Variants in RDX observed in about 807,000 individuals in gnomAD.
RDX encodes the protein deafness, autosomal recessive 24.
A neutral mutation model predicts 83.7 loss-of-function variants in RDX; 32 were observed. The ratio of observed to expected loss-of-function variants is 0.38; its 90% CI spans 0.29 to 0.51. RDX has a LOEUF of 0.51. Ranked by LOEUF, RDX falls within the 20% of genes least tolerant of loss-of-function variation. The pLI is 0.87. For synonymous variants in RDX, 229 were observed against 222.7 expected (o/e 1.03, Z -0.25); for missense variants, 600 against 689.9 (o/e 0.87, Z 1.46).
chr11:110,248,602 T>C (rs576020689), intron 9 of RDX, among the ~76,000 whole-genome samples: 35 of 152,172 alleles, frequency 2.3e-4, no homozygotes, highest in Non-Finnish European at 4.0e-4. Flanking sequence ...CACACTTTAA[T>C]GGGGGAAAAA....
At chr11:110,272,249 G>A (rs189353491) in intron 3 of RDX, among the ~76,000 whole-genome samples, 22 of 152,254 alleles carry the variant, frequency 1.4e-4, no homozygotes, top group Non-Finnish European at 2.8e-4. Context: ...CAACTTTGTG[G>A]ATTATCCTTG....
At chr11:110,290,060 C>T (rs1861172056) in intron 1 of RDX, among the ~76,000 whole-genome samples, 1 of 148,288 alleles carries the variant, frequency 6.7e-6, no homozygotes, top group Non-Finnish European at 1.5e-5. Context: ...AACAAAAATA[C>T]CCACTCTGGT....
intron 12 of RDX, among the ~76,000 whole-genome samples, chr11:110,234,704 C>T (rs1189210899): frequency 2.0e-5 from 3 of 152,068 alleles, no homozygotes; most frequent in South Asian, 4.1e-4. Context: ...TTCTAATAAA[C>T]AAGTAGAGTA....
intron 1 of RDX, among the ~76,000 whole-genome samples, chr11:110,280,069 G>T (rs1040824691): frequency 6.6e-6 from 1 of 152,176 alleles, no homozygotes; most frequent in Non-Finnish European, 1.5e-5. Context: ...TGCTCTCTGA[G>T]TCAGGTTCAT....
At chr11:110,194,427 C>T (rs1591502433) in intron 15 of RDX, among the ~76,000 whole-genome samples, 1 of 152,268 alleles carries the variant, frequency 6.6e-6, no homozygotes, top group East Asian at 1.9e-4. Context: ...GCCATGTTGG[C>T]CAGGCTGGTC....
chr11:110,208,180 TA>T (rs921569458), intron 14 of RDX, among the ~76,000 whole-genome samples: 10 of 152,190 alleles, frequency 6.6e-5, no homozygotes, highest in African/African-American at 2.4e-4. Flanking sequence ...TGAAAAATGT[TA>T]CTAACGCTTT....
intron 14 of RDX, among the ~76,000 whole-genome samples, chr11:110,212,012 C>CA (rs1197349182): frequency 1.4e-5 from 2 of 140,450 alleles, no homozygotes; most frequent in South Asian, 2.5e-4. Context: ...AATAGAGACA[C>CA]AAAAAACCCT....
At chr11:110,200,552 G>A (rs921342569) in intron 14 of RDX, among the ~76,000 whole-genome samples, 6 of 152,146 alleles carry the variant, frequency 3.9e-5, no homozygotes, top group Non-Finnish European at 7.3e-5. Flanking sequence ...TCTATCTTAC[G>A]AATGAGTTAT....
chr11:110,279,676 C>A lies in RDX; in HGVS notation c.12+5G>T. On this transcript the variant is annotated splice_donor_5th_base_variant and intron_variant, in intron 2 of 13. Coordinates refer to ENST00000645495, the MANE Select transcript of RDX (RefSeq NM_002906.4). ...ACACTGTCAAATGTAATAAAATACACTTACTGGTTTCGGCATTTTCTTTCT... is the reference window on the plus strand; with the variant it reads ...ACACTGTCAAATGTAATAAAATACAATTACTGGTTTCGGCATTTTCTTTCT... 1 of 1,525,608 alleles carries A rather than the reference C, an allele frequency of 6.6e-7. No homozygotes were observed. The highest frequency in any genetic ancestry group is 9.1e-7 in the Non-Finnish European group (1 of 1,101,408). 94.5% of individuals were successfully genotyped at this position (1,525,608 alleles called of 1,614,324 possible).
chr11:110,229,877 T>C lies in RDX; in HGVS notation c.*1992A>G, dbSNP rs1864557618. The C allele has an allele frequency of 6.6e-6, 1 of 152,500 alleles. No individual in the cohort carries two copies. The highest frequency in any genetic ancestry group is 1.5e-5 in the Non-Finnish European group (1 of 67,956). The allele number at this position is 152,500 out of a possible 1,614,324, so 9.4% of individuals were successfully genotyped here. On this transcript the variant is annotated 3_prime_UTR_variant, in exon 14 of 14. Transcript: ENST00000645495. Reference sequence around the variant, plus strand: ...GTTCAGGTTTTTATCTATTATGCAATTGCTTTAAAGTGAACATTTATGTCT... The same window carrying C: ...GTTCAGGTTTTTATCTATTATGCAACTGCTTTAAAGTGAACATTTATGTCT...
intron 15 of RDX, among the ~76,000 whole-genome samples, chr11:110,187,426 C>T (rs1218170199): frequency 1.3e-5 from 2 of 152,186 alleles, no homozygotes; most frequent in Non-Finnish European, 2.9e-5. Flanking sequence ...ATATAGAGCA[C>T]CTTCCTACCC....
intron 12 of RDX, among the ~76,000 whole-genome samples, chr11:110,235,475 T>G (rs1864810035): frequency 6.6e-6 from 1 of 152,218 alleles, no homozygotes; most frequent in Non-Finnish European, 1.5e-5. Flanking sequence ...CTTTATCTCT[T>G]AAGTATCCAC....
chr11:110,272,165 T>C (rs1860334140), intron 3 of RDX, among the ~76,000 whole-genome samples: 1 of 152,188 alleles, frequency 6.6e-6, no homozygotes, highest in Non-Finnish European at 1.5e-5. Context: ...TAAGAGATGC[T>C]CTCAACCTGT....
Position 110,258,090 on chromosome 11 carries a change from A to G in RDX, c.551+16T>C. 2.5e-6 allele frequency: 4 copies of G among 1,570,974 alleles called. No homozygotes were observed. The South Asian group carries it at 3.4e-5, about 13-fold the overall frequency. On this transcript the variant is annotated intron_variant, in intron 6 of 13. Transcript: ENST00000645495. ...TGAAGGAAAAAAGAAAACATAGAAAATAGCTACCCAAATACCTTAACATTC... is the reference window on the plus strand; with the variant it reads ...TGAAGGAAAAAAGAAAACATAGAAAGTAGCTACCCAAATACCTTAACATTC...
intron 3 of RDX, among the ~76,000 whole-genome samples, chr11:110,271,484 TCTTA>T (rs1452631216): frequency 6.6e-6 from 1 of 152,218 alleles, no homozygotes; most frequent in Non-Finnish European, 1.5e-5. Context: ...TTCTTCATGT[TCTTA>T]CTTAATCCCT....
At chr11:110,180,150 C>T (rs1862856677) in intron 15 of RDX, among the ~76,000 whole-genome samples, 1 of 152,104 alleles carries the variant, frequency 6.6e-6, no homozygotes, top group African/African-American at 2.4e-5. Context: ...GATCTACCTG[C>T]CTTGGCCTCC....
intron 2 of RDX, among the ~76,000 whole-genome samples, chr11:110,273,570 A>G (rs554771535): frequency 2.5e-3 from 386 of 152,376 alleles, no homozygotes; most frequent in African/African-American, 9.0e-3. Flanking sequence ...GTGTGCCGCC[A>G]GGCCTAGCTC....
chr11:110,231,531 A>AT lies in RDX; in HGVS notation c.*337_*338insA, dbSNP rs1357277556. ...TTAAAATGTTCACCATTATCCTTTA[A>AT]AATGTACACAGAACTGAAACCACAC... On this transcript the variant is annotated 3_prime_UTR_variant, in exon 14 of 14. Transcript: ENST00000645495. 3.1e-6 allele frequency: 1 copy of AT among 319,488 alleles called. No homozygotes were observed. The highest frequency in any genetic ancestry group is 6.0e-6 in the Non-Finnish European group (1 of 166,498). 19.8% of individuals were successfully genotyped at this position (319,488 alleles called of 1,614,324 possible).
intron 1 of RDX, among the ~76,000 whole-genome samples, chr11:110,283,210 G>T (rs1860836364): frequency 6.6e-6 from 1 of 152,064 alleles, no homozygotes; most frequent in South Asian, 2.1e-4. Context: ...CTGGAGTGCA[G>T]TGGCGCGATC....
Sources: allele counts gnomAD v4.1 joint callset (sites outside exome capture counted in the v4.1 genomes callset), GRCh38; gene constraint gnomAD v4.1.1; transcripts MANE v1.5; gene names NCBI Gene and HGNC (gene_info 2026-07-23, HGNC 2026-07-21).